The following NELL1 variants were observed in gnomAD, a reference collection of about 807,000 sequenced individuals.
NELL1 encodes neural EGFL like 1.
A neutral mutation model predicts 107.4 loss-of-function variants in NELL1; 76 were observed. The observed-to-expected ratio is 0.71, with a 90% CI of 0.59 to 0.86. The LOEUF (loss-of-function observed/expected upper bound fraction) is 0.86, where lower values mean the gene tolerates loss of function less well. NELL1 is among the 40% of genes least tolerant of loss of function. The probability of loss-of-function intolerance (pLI) is 0.00; values close to 1 mark genes in which losing one functional copy is unlikely to be tolerated. For synonymous variants in NELL1, 353 were observed against 341.2 expected, an observed-to-expected ratio of 1.03 and a Z score of -0.38; for missense variants, 1,024 against 1,005.5, an observed-to-expected ratio of 1.02 and a Z score of -0.25.
In NELL1 at chr11:21,380,563, C is replaced by T. The variant is rs543904230; in HGVS notation, c.1645+9615C>T. ...TACCCACTCAATGTTTTTCTTCTTT[C>T]TTGAATGACATCTCTGCTAAAGATC... On this transcript the variant is annotated intron_variant, in intron 15 of 19. Coordinates refer to ENST00000357134, the MANE Select transcript of NELL1 (RefSeq NM_006157.5). Among the ~76,000 whole-genome samples, 8 of 152,086 alleles carry T rather than the reference C, an allele frequency of 5.3e-5. No individual in the cohort carries two copies. The South Asian group carries it at 1.0e-3, about 20-fold the overall frequency.
At chr11:21,566,716 C>A (rs2134008790) in intron 17 of NELL1, among the ~76,000 whole-genome samples, 2 of 151,926 alleles carry the variant, frequency 1.3e-5, no homozygotes. Context: ...CATCAGTGAG[C>A]TCCATACTCT....
intron 2 of NELL1, among the ~76,000 whole-genome samples, chr11:20,748,854 G>A (rs559405926): frequency 1.9e-4 from 28 of 150,888 alleles, no homozygotes; most frequent in South Asian, 1.0e-3. Flanking sequence ...TTGCAATTGC[G>A]TATTGGAGCA....
intron 13 of NELL1, among the ~76,000 whole-genome samples, chr11:21,131,228 A>G (rs924649008): frequency 2.6e-5 from 4 of 152,196 alleles, no homozygotes; most frequent in Non-Finnish European, 4.4e-5. Context: ...AATTTATATT[A>G]TCTATAACAA....
intron 14 of NELL1, chr11:21,284,342 A>C (rs1321916960): frequency 2.0e-5 from 9 of 457,258 alleles, no homozygotes; most frequent in South Asian, 9.3e-5. Flanking sequence ...GAAAGGAGTG[A>C]CAGAGAGCCT....
At chr11:21,293,438 C>T (rs1241137552) in intron 14 of NELL1, among the ~76,000 whole-genome samples, 2 of 152,128 alleles carry the variant, frequency 1.3e-5, no homozygotes, top group African/African-American at 2.4e-5. Flanking sequence ...ACAACAGATG[C>T]TGGAGAGGAT....
At chr11:21,169,950 G>A (rs1377606789) in intron 13 of NELL1, 2 of 1,457,100 alleles carry the variant, frequency 1.4e-6, no homozygotes, top group Non-Finnish European at 1.9e-6. Flanking sequence ...TGGACCAAGA[G>A]CCCTCTCTTT....
intron 4 of NELL1, among the ~76,000 whole-genome samples, chr11:20,868,820 C>T (rs1182355215): frequency 2.6e-5 from 4 of 152,044 alleles, no homozygotes; most frequent in Non-Finnish European, 5.9e-5. Flanking sequence ...GAAGAAATTT[C>T]ATGATCTTAA....
chr11:20,797,837 G>A (rs1468012783), intron 3 of NELL1, among the ~76,000 whole-genome samples: 2 of 152,142 alleles, frequency 1.3e-5, no homozygotes, highest in East Asian at 1.9e-4. Context: ...TTTAATCATT[G>A]TGCTGTGTGT....
At chr11:20,879,537 A>G (rs1225243222) in intron 4 of NELL1, among the ~76,000 whole-genome samples, 1 of 152,100 alleles carries the variant, frequency 6.6e-6, no homozygotes, top group Non-Finnish European at 1.5e-5. Context: ...TGTTAAGAGT[A>G]GTGTGCTGCC....
At chr11:21,251,596 C>G (rs1447616440) in intron 14 of NELL1, among the ~76,000 whole-genome samples, 1 of 151,930 alleles carries the variant, frequency 6.6e-6, no homozygotes, top group Non-Finnish European at 1.5e-5. Flanking sequence ...CAGGGCAGCA[C>G]TAGATCCACC....
intron 14 of NELL1, among the ~76,000 whole-genome samples, chr11:21,328,386 G>A (rs71488779): frequency 2.0e-5 from 3 of 152,132 alleles, no homozygotes; most frequent in African/African-American, 7.2e-5. Context: ...CAAGAATTGA[G>A]GTTTGGGAAC....
intron 3 of NELL1, among the ~76,000 whole-genome samples, chr11:20,804,062 A>C (rs1278317990): frequency 4.3e-4 from 2 of 4,702 alleles, no homozygotes; most frequent in African/African-American, 1.2e-3. Flanking sequence ...ATATTTAATA[A>C]ACATATATAT....
intron 15 of NELL1, among the ~76,000 whole-genome samples, chr11:21,511,354 C>T (rs1018352321): frequency 6.6e-6 from 1 of 152,080 alleles, no homozygotes; most frequent in Non-Finnish European, 1.5e-5. Flanking sequence ...ATTTTATTTG[C>T]CTCAGCAAGG....
At chr11:21,353,946 A>G (rs1229151565) in intron 14 of NELL1, among the ~76,000 whole-genome samples, 1 of 152,182 alleles carries the variant, frequency 6.6e-6, no homozygotes, top group Non-Finnish European at 1.5e-5. Flanking sequence ...GGCTTTCCCC[A>G]CATGTATGTG....
intron 12 of NELL1, among the ~76,000 whole-genome samples, chr11:20,998,474 C>T (rs1852140409): frequency 6.6e-6 from 1 of 151,288 alleles, no homozygotes; most frequent in Non-Finnish European, 1.5e-5. Flanking sequence ...ATTTTTTTTT[C>T]CACAGTGAGG....
At chr11:21,179,982 G>A (rs1856795012) in intron 13 of NELL1, among the ~76,000 whole-genome samples, 1 of 121,212 alleles carries the variant, frequency 8.3e-6, no homozygotes, top group Non-Finnish European at 1.6e-5. Flanking sequence ...GGCAGCCACA[G>A]AATATATGTA....
intron 3 of NELL1, among the ~76,000 whole-genome samples, chr11:20,794,720 A>C (rs1229099898): frequency 6.6e-6 from 1 of 152,166 alleles, no homozygotes; most frequent in Non-Finnish European, 1.5e-5. Context: ...CTAGATGGAA[A>C]TTTGATGCTG....
chr11:20,708,296 G>C (rs190400381), intron 2 of NELL1, among the ~76,000 whole-genome samples: 227 of 152,336 alleles, frequency 1.5e-3, no homozygotes, highest in African/African-American at 5.1e-3. Context: ...CACTTCCCGG[G>C]TGAGGCGATG....
intron 14 of NELL1, among the ~76,000 whole-genome samples, chr11:21,343,892 T>A (rs1236598136): frequency 1.3e-5 from 2 of 152,156 alleles, no homozygotes; most frequent in Non-Finnish European, 2.9e-5. Flanking sequence ...GCTCAATCAA[T>A]GTTAATTGAA....
Sources: gnomAD v4.1 joint callset for allele counts (sites outside exome capture counted in the v4.1 genomes callset) on GRCh38, gnomAD v4.1.1 for gene constraint, MANE v1.5 for transcripts, NCBI Gene and HGNC (gene_info 2026-07-23, HGNC 2026-07-21) for gene names.